Variants in FCHSD2 observed in about 807,000 individuals in gnomAD.
FCHSD2 encodes the protein F-BAR and double SH3 domains protein 2.
In FCHSD2, 38 loss-of-function variants were observed where a neutral mutation model predicts 108.1. The ratio of observed to expected loss-of-function variants is 0.35; its 90% CI spans 0.27 to 0.46. The LOEUF is 0.46. Among genes scored for constraint, FCHSD2 ranks in the 20% least tolerant of loss-of-function variants. The pLI, the probability that FCHSD2 is intolerant of heterozygous loss-of-function variation, is 1.00. For missense variants in FCHSD2, 751 were observed against 897.8 expected (o/e 0.84, Z 2.09); for synonymous variants, 279 against 314.7 (o/e 0.89, Z 1.20).
intron 17 of FCHSD2, 140 bp downstream of exon 17, chr11:72,842,481 G>T (rs2135154064): frequency 1.1e-6 from 1 of 919,824 alleles, no homozygotes. Flanking sequence ...TTTCCCAAAT[G>T]CAGTTGTGCA....
intron 4 of FCHSD2, among the ~76,000 whole-genome samples, chr11:73,007,327 G>T (rs1393907272): frequency 6.6e-6 from 1 of 152,050 alleles, no homozygotes; most frequent in East Asian, 1.9e-4. Context: ...TTCTCATTAA[G>T]AAATAAATCA....
chr11:73,118,233 T>G (rs1335340330), intron 2 of FCHSD2, among the ~76,000 whole-genome samples: 2 of 152,108 alleles, frequency 1.3e-5, no homozygotes, highest in African/African-American at 2.4e-5. Context: ...GCAGGAAAAT[T>G]GCTTGGACTC....
chr11:72,961,981 A>T (rs1856826399), intron 8 of FCHSD2, among the ~76,000 whole-genome samples: 1 of 152,248 alleles, frequency 6.6e-6, no homozygotes, highest in African/African-American at 2.4e-5. Flanking sequence ...AGTATCTAAT[A>T]CATTTAGATA....
chr11:73,027,830 C>T (rs1039346294), intron 3 of FCHSD2, among the ~76,000 whole-genome samples: 3 of 152,252 alleles, frequency 2.0e-5, no homozygotes, highest in Non-Finnish European at 2.9e-5. Flanking sequence ...CAGCTCCAGC[C>T]GTGGCTAAAA....
chr11:72,954,314 T>C (rs1856673621), intron 8 of FCHSD2, among the ~76,000 whole-genome samples: 1 of 150,306 alleles, frequency 6.7e-6, no homozygotes, highest in Non-Finnish European at 1.5e-5. Context: ...GCTCATGCAA[T>C]TCTCTCAACT....
At chr11:72,993,834 A>G (rs1242253250) in intron 5 of FCHSD2, among the ~76,000 whole-genome samples, 2 of 152,142 alleles carry the variant, frequency 1.3e-5, no homozygotes, top group Admixed American at 6.5e-5. Context: ...GGTGCAGCAC[A>G]CCAACATGGC....
intron 12 of FCHSD2, among the ~76,000 whole-genome samples, chr11:72,878,134 C>T (rs895590296): frequency 5.3e-5 from 8 of 152,084 alleles, no homozygotes; most frequent in African/African-American, 1.9e-4. Flanking sequence ...ATCCCTCTGG[C>T]TGGGCATAGT....
intron 2 of FCHSD2, among the ~76,000 whole-genome samples, chr11:73,136,273 C>T (rs780792476): frequency 3.0e-4 from 46 of 151,108 alleles, no homozygotes; most frequent in Non-Finnish European, 4.4e-4. Flanking sequence ...TTTTTTTTAA[C>T]TTTTTTCAAT....
intron 8 of FCHSD2, among the ~76,000 whole-genome samples, chr11:72,976,785 A>G (rs992858413): frequency 1.3e-5 from 2 of 152,190 alleles, no homozygotes; most frequent in African/African-American, 2.4e-5. Flanking sequence ...CAATGGTGCT[A>G]AGAACATACA....
intron 8 of FCHSD2, among the ~76,000 whole-genome samples, chr11:72,925,571 A>C (rs1389268443): frequency 1.3e-5 from 2 of 152,226 alleles, no homozygotes; most frequent in Admixed American, 1.3e-4. Flanking sequence ...CTTCATAAAG[A>C]CATTCAAGAA....
rs1855051463 is a variant in FCHSD2 at position 72,880,063 on chromosome 11, AGAC to A, written c.1146+7404_1146+7406del. 7.4e-4 allele frequency among the ~76,000 whole-genome samples: 16 copies of A among 21,750 alleles called. No individual in the cohort carries two copies. In the South Asian group the frequency reaches 8.4e-3, roughly 11 times the overall value. The allele number at this position is 21,750 out of a possible 152,430, so 14.3% of individuals were successfully genotyped here. On this transcript the variant is annotated intron_variant, in intron 12 of 19. Coordinates refer to ENST00000409418, the MANE Select transcript of FCHSD2 (RefSeq NM_014824.3). Reference sequence around the variant, plus strand: ...TAGCTACCCAAACCAAACCAAAACAAGACAAAAACAAACAAACAAACAAAAACC... The same window carrying A: ...TAGCTACCCAAACCAAACCAAAACAAAAAAACAAACAAACAAACAAAAACC...
chr11:73,061,133 G>C (rs1305435786), intron 3 of FCHSD2, among the ~76,000 whole-genome samples: 2 of 152,202 alleles, frequency 1.3e-5, no homozygotes, highest in African/African-American at 4.8e-5. Context: ...ATTGGGACTG[G>C]TTGGACAGTG....
chr11:72,900,243 CA>C, intron 10 of FCHSD2: 3 of 1,511,774 alleles, frequency 2.0e-6, no homozygotes, highest in Non-Finnish European at 2.7e-6. Flanking sequence ...GCCCTTGACC[CA>C]CACCCCATAT....
chr11:73,123,690 T>C (rs1438646078), intron 2 of FCHSD2, among the ~76,000 whole-genome samples: 1 of 152,116 alleles, frequency 6.6e-6, no homozygotes, highest in Non-Finnish European at 1.5e-5. Context: ...TGCATAACCA[T>C]CCCCCTCCAC....
At chr11:73,095,631 G>C (rs1860056660) in intron 2 of FCHSD2, among the ~76,000 whole-genome samples, 1 of 152,122 alleles carries the variant, frequency 6.6e-6, no homozygotes, top group African/African-American at 2.4e-5. Context: ...AAGGCATAAG[G>C]CTCCAAAACT....
chr11:73,065,027 T>C (rs1591525765), intron 3 of FCHSD2, among the ~76,000 whole-genome samples: 2 of 152,142 alleles, frequency 1.3e-5, no homozygotes. Context: ...ATCATCCTGA[T>C]ACCAAAGCCT....
intron 12 of FCHSD2, among the ~76,000 whole-genome samples, chr11:72,886,243 TCTGA>T (rs1855196341): frequency 6.6e-6 from 1 of 152,210 alleles, no homozygotes; most frequent in South Asian, 2.1e-4. Context: ...TTTGGGAAGA[TCTGA>T]CTATTAGAAA....
At chr11:73,015,226 C>T (rs1199210700) in intron 4 of FCHSD2, among the ~76,000 whole-genome samples, 1 of 152,202 alleles carries the variant, frequency 6.6e-6, no homozygotes, top group Admixed American at 6.5e-5. Context: ...CCATTCTCAT[C>T]CACCTTCATT....
intron 5 of FCHSD2, 135 bp from the exon 6 acceptor site, chr11:72,989,232 A>C (rs1026597475): frequency 1.7e-6 from 1 of 580,238 alleles, no homozygotes; most frequent in Non-Finnish European, 2.9e-6. Context: ...GTGTCCTTCA[A>C]ATTGCAGATT....
Sources: gnomAD v4.1 joint callset for allele counts (sites outside exome capture counted in the v4.1 genomes callset) on GRCh38, gnomAD v4.1.1 for gene constraint, MANE v1.5 for transcripts, NCBI Gene and HGNC (gene_info 2026-07-23, HGNC 2026-07-21) for gene names.